EIF4E1B: variants seen among roughly 807,000 people sequenced by gnomAD.
The protein encoded by EIF4E1B is eukaryotic translation initiation factor 4E family member 1B.
A neutral mutation model predicts 31.3 loss-of-function variants in EIF4E1B; 22 were observed. That is an observed-to-expected ratio of 0.70 (90% CI 0.50 to 1.00). The LOEUF (loss-of-function observed/expected upper bound fraction) is 1.00, where lower values mean the gene tolerates loss of function less well. Ranked by LOEUF, EIF4E1B falls within the 50% of genes least tolerant of loss-of-function variation. The probability of loss-of-function intolerance (pLI) is 0.00; values close to 1 mark genes in which losing one functional copy is unlikely to be tolerated. For missense variants in EIF4E1B, 290 were observed against 311.6 expected, an observed-to-expected ratio of 0.93 and a Z score of 0.52; for synonymous variants, 126 against 120.2, an observed-to-expected ratio of 1.05 and a Z score of -0.31.
intron 1 of EIF4E1B, among the ~76,000 whole-genome samples, chr5:176,637,394 G>A (rs545931787): frequency 1.3e-5 from 2 of 152,266 alleles, no homozygotes; most frequent in South Asian, 4.1e-4. Flanking sequence ...GGCTGAGATC[G>A]TGCCACTGTA....
chr5:176,643,563 C>G, intron 4 of EIF4E1B, 76 bp from the exon 5 acceptor site: 1 of 1,415,980 alleles, frequency 7.1e-7, no homozygotes, highest in Non-Finnish European at 9.7e-7. Context: ...GGAGGGTCCT[C>G]CCTGTCAGTC....
At chr5:176,644,352 C>T (rs1250153833) in intron 5 of EIF4E1B, 24 bp from the exon 6 acceptor site, 3 of 1,574,694 alleles carry the variant, frequency 1.9e-6, no homozygotes, top group African/African-American at 1.4e-5. Context: ...TGACTTTTGG[C>T]ATGGGGTCGG....
In EIF4E1B at chr5:176,645,050, C is replaced by T. The variant is rs911717083; in HGVS notation, c.361-80C>T. On this transcript the variant is annotated intron_variant, in intron 6 of 8. Transcript: ENST00000318682. This position sits in a 1 kb window ranked among gnomAD's most constrained non-coding sequence, Gnocchi z 5.4. Reference sequence around the variant, plus strand: ...GCCTACTTAGGGCCTCAGCAGAGAGCGGATAAGGCCGGGATGGTGGGTGGG... The same window carrying T: ...GCCTACTTAGGGCCTCAGCAGAGAGTGGATAAGGCCGGGATGGTGGGTGGG... 23 of 1,277,350 alleles carry T rather than the reference C, an allele frequency of 1.8e-5. No homozygotes were observed. The highest frequency in any genetic ancestry group is 1.5e-4 in the East Asian group (6 of 39,296). The allele number at this position is 1,277,350 out of a possible 1,614,324, so 79.1% of individuals were successfully genotyped here.
At chr5:176,642,857 C>CTCCCCCA (rs1554151054) in intron 3 of EIF4E1B, 55 bp downstream of exon 3, 1 of 1,276,688 alleles carries the variant, frequency 7.8e-7, no homozygotes, top group African/African-American at 2.3e-5. Context: ...CCTCTCCCCC[C>CTCCCCCA]CCCCCCCCGC....
intron 1 of EIF4E1B, among the ~76,000 whole-genome samples, chr5:176,640,216 G>A (rs767250686): frequency 2.0e-5 from 3 of 152,332 alleles, no homozygotes; most frequent in East Asian, 3.9e-4. Context: ...GAGAGGCCAC[G>A]CAGTGCCATC....
intron 1 of EIF4E1B, among the ~76,000 whole-genome samples, chr5:176,634,159 G>A (rs190611872): frequency 6.6e-6 from 1 of 151,360 alleles, no homozygotes; most frequent in African/African-American, 2.4e-5. Context: ...TTGGTGGGGG[G>A]ATGATGATGA....
In EIF4E1B at chr5:176,630,901, G is replaced by A. The variant is rs1760362272; in HGVS notation, c.-365G>A. On this transcript the variant is annotated 5_prime_UTR_variant, in exon 1 of 9. Transcript: ENST00000318682. ...TTTACTGAGCGCTTAGTCCAGTGGT[G>A]CAGGTTTAAGGCTGGAGGCAGCGGA... is the stretch of plus-strand genomic sequence containing the variant. 1 of 152,460 alleles carries A rather than the reference G, an allele frequency of 6.6e-6. No individual in the cohort carries two copies. The highest frequency in any genetic ancestry group is 2.1e-4 in the South Asian group (1 of 4,824). 9.4% of individuals were successfully genotyped at this position (152,460 alleles called of 1,614,324 possible).
chr5:176,643,283 G>T lies in EIF4E1B; in HGVS notation c.200+17G>T, dbSNP rs373176653. 2 of 1,609,750 alleles carry T rather than the reference G, an allele frequency of 1.2e-6. No homozygotes were observed. The highest frequency in any genetic ancestry group is 4.5e-4 in the Middle Eastern group (2 of 4,478). On this transcript the variant is annotated intron_variant, in intron 4 of 8. Coordinates refer to ENST00000318682, the MANE Select transcript of EIF4E1B (RefSeq NM_001099408.2). ...GCAGAACAGGTAGGCAGGAGCCTGC[G>T]AGTGGAACACAGCCCCTTGCTTTCA...
rs1055727224 is a variant in EIF4E1B, at chr5:176,642,858, C to CG, written c.15+56_15+57insG. The CG allele has an allele frequency of 2.6e-4, 341 of 1,290,770 alleles. 32 individuals are homozygous for CG. The African/African-American group carries it at 3.5e-3, about 13-fold the overall frequency. The allele number at this position is 1,290,770 out of a possible 1,614,324, so 80.0% of individuals were successfully genotyped here. On this transcript the variant is annotated intron_variant, in intron 3 of 8. Coordinates refer to ENST00000318682, the MANE Select transcript of EIF4E1B (RefSeq NM_001099408.2). ...CACCATGGCCCCGCCCTCTCCCCCC[C>CG]CCCCCCCGCCCCAGGTGGGCGGGGC...
rs1760616683 is a variant in EIF4E1B at position 176,643,066 on chromosome 5, C to T, written c.16-16C>T. 1 of 1,598,894 alleles carries T rather than the reference C, an allele frequency of 6.3e-7. No homozygotes were observed. Among genetic ancestry groups the T allele is most frequent in the Admixed American group, 1.8e-5 (1 of 56,758 alleles). On this transcript the variant is annotated splice_polypyrimidine_tract_variant and intron_variant, in intron 3 of 8. Coordinates refer to ENST00000318682, the MANE Select transcript of EIF4E1B (RefSeq NM_001099408.2). The stretch of plus-strand genomic sequence containing the variant: ...CCAGAGCTCACAACCCATCCTGACT[C>T]CTTTTTTTGGCTCAGGTGAGTGAAG...
At chr5:176,634,818 C>T (rs1483319789) in intron 1 of EIF4E1B, among the ~76,000 whole-genome samples, 4 of 151,616 alleles carry the variant, frequency 2.6e-5, no homozygotes, top group Admixed American at 1.3e-4. Flanking sequence ...TACAGGCACC[C>T]GCCACCACAC....
intron 1 of EIF4E1B, among the ~76,000 whole-genome samples, chr5:176,635,696 G>T (rs143045036): frequency 3.9e-4 from 60 of 152,320 alleles, no homozygotes; most frequent in Admixed American, 9.1e-4. Context: ...CTTAGTACAT[G>T]CATTTCATCC....
chr5:176,644,553 T>A (rs1760657398), intron 6 of EIF4E1B, 114 bp downstream of exon 6: 1 of 1,176,336 alleles, frequency 8.5e-7, no homozygotes, highest in South Asian at 1.5e-5. Context: ...GGGCCACCTC[T>A]CAGCAGAGTT....
intron 1 of EIF4E1B, among the ~76,000 whole-genome samples, chr5:176,641,357 G>A (rs1035608824): frequency 6.6e-6 from 1 of 152,068 alleles, no homozygotes; most frequent in Non-Finnish European, 1.5e-5. Flanking sequence ...AAATAAAATG[G>A]AAACATCCTC....
intron 1 of EIF4E1B, among the ~76,000 whole-genome samples, chr5:176,640,528 A>G (rs1196667320): frequency 6.6e-6 from 1 of 152,170 alleles, no homozygotes; most frequent in Non-Finnish European, 1.5e-5. Flanking sequence ...TTTTCCTTCT[A>G]CATACCCCTT....
intron 5 of EIF4E1B, 37 bp from the exon 6 acceptor site, chr5:176,644,339 C>T: frequency 4.5e-6 from 7 of 1,562,906 alleles, no homozygotes; most frequent in Non-Finnish European, 6.1e-6. Context: ...CCCTAAAAAG[C>T]CTTGACTTTT....
chr5:176,634,673 C>CT (rs70991565), intron 1 of EIF4E1B, among the ~76,000 whole-genome samples: 31,166 of 122,816 alleles, frequency 0.25, 4,043 homozygotes, highest in Middle Eastern at 0.38. Flanking sequence ...TTTTTTTTTT[C>CT]TTTTTTTTTT....
intron 1 of EIF4E1B, among the ~76,000 whole-genome samples, chr5:176,640,892 CCA>C (rs2113443840): frequency 6.6e-6 from 1 of 152,356 alleles, no homozygotes; most frequent in African/African-American, 2.4e-5. Flanking sequence ...CCTCCCCGAC[CCA>C]GTTAATTATT....
Position 176,638,789 on chromosome 5 carries a change from G to A in EIF4E1B, c.-201-3254G>A, listed in dbSNP as rs190368812. 2.9e-4 allele frequency among the ~76,000 whole-genome samples: 44 copies of A among 152,198 alleles called. No homozygotes were observed. The highest frequency in any genetic ancestry group is 1.0e-3 in the South Asian group (5 of 4,816). ...GGTTTGTTTGTTTGTTTGTTTGTTT[G>A]TTTAAATGCAGTTTCACTCTTGTTG... On this transcript the variant is annotated intron_variant, in intron 1 of 8. Coordinates refer to ENST00000318682, the MANE Select transcript of EIF4E1B (RefSeq NM_001099408.2). The surrounding 1 kb of genome is among the most constrained non-coding windows in gnomAD (Gnocchi z 4.3).
Sources: gnomAD v4.1 joint callset for allele counts (sites outside exome capture counted in the v4.1 genomes callset) on GRCh38, gnomAD v4.1.1 for gene constraint, Gnocchi (gnomAD v3.1) non-coding constraint, MANE v1.5 for transcripts, NCBI Gene and HGNC (gene_info 2026-07-23, HGNC 2026-07-21) for gene names.